Variants in BCO1 observed in about 807,000 individuals in gnomAD.
The protein encoded by BCO1 is beta,beta-carotene 15,15'-dioxygenase.
Under a neutral mutation model 56.3 loss-of-function variants are expected in BCO1, and 54 were observed. That is an observed-to-expected ratio of 0.96 (90% CI 0.77 to 1.20). The LOEUF is 1.20. Ranked by LOEUF, BCO1 falls within the 50% of genes most tolerant of loss-of-function variation. The pLI is 0.00. For synonymous variants in BCO1, 318 were observed against 266.1 expected (o/e 1.20, Z -1.90); for missense variants, 801 against 690.9 (o/e 1.16, Z -1.79).
rs138584476 is a variant in BCO1 at position 81,271,789 on chromosome 16, G to A, written c.1101+1373G>A. Among the ~76,000 whole-genome samples, 553 of 151,932 alleles carry A rather than the reference G, an allele frequency of 3.6e-3. 2 individuals carry two copies. The highest frequency in any genetic ancestry group is 6.8e-3 in the Middle Eastern group (2 of 294). ...TGTTTTGAGACAGTCTCGCTCTGCCGCCCAGGCTGGAGTGCAGTGGTGTAA... is the reference window on the plus strand; with the variant it reads ...TGTTTTGAGACAGTCTCGCTCTGCCACCCAGGCTGGAGTGCAGTGGTGTAA... On this transcript the variant is annotated intron_variant, in intron 7 of 10. Coordinates refer to ENST00000258168, the MANE Select transcript of BCO1 (RefSeq NM_017429.3).
chr16:81,240,552 CA>C (rs1905064276), intron 1 of BCO1, among the ~76,000 whole-genome samples: 2 of 151,828 alleles, frequency 1.3e-5, no homozygotes, highest in Admixed American at 6.6e-5. Context: ...TAAAAATACA[CA>C]AATTAGCCAG....
rs1415703194 is a variant in BCO1, at chr16:81,274,913, A to AG, written c.1101+4497_1101+4498insG. Among the ~76,000 whole-genome samples, 1,352 of 151,702 alleles carry AG rather than the reference A, an allele frequency of 8.9e-3. 27 individuals are homozygous for AG. Among genetic ancestry groups the AG allele is most frequent in the African/African-American group, 0.031 (1,268 of 41,416 alleles). ...TGAGACTCCATCTCAAAAAAAAAAA[A>AG]AAAGAAAGCTGTCATATGAACCATC... On this transcript the variant is annotated intron_variant, in intron 7 of 10. Coordinates refer to ENST00000258168, the MANE Select transcript of BCO1 (RefSeq NM_017429.3).
intron 6 of BCO1, among the ~76,000 whole-genome samples, chr16:81,268,612 T>C (rs913779279): frequency 3.9e-5 from 6 of 152,232 alleles, no homozygotes; most frequent in African/African-American, 1.4e-4. Flanking sequence ...CAGGTACACC[T>C]GAGTGCTCAA....
chr16:81,275,026 T>C (rs1350981839), intron 7 of BCO1, among the ~76,000 whole-genome samples: 1 of 152,216 alleles, frequency 6.6e-6, no homozygotes, highest in Non-Finnish European at 1.5e-5. Flanking sequence ...GTCCCTTAAA[T>C]ATGTCTTCTT....
At chr16:81,267,234 T>A (rs2151940062) in intron 5 of BCO1, among the ~76,000 whole-genome samples, 1 of 152,286 alleles carries the variant, frequency 6.6e-6, no homozygotes, top group East Asian at 1.9e-4. Flanking sequence ...CTGACCATAA[T>A]GATAGCCCAT....
At position 81,271,062 on chromosome 16, in the gene BCO1, C is replaced by T. The variant is rs117887860; in HGVS notation, c.1101+646C>T. On this transcript the variant is annotated intron_variant, in intron 7 of 10. Coordinates refer to ENST00000258168, the MANE Select transcript of BCO1 (RefSeq NM_017429.3). ...CCTGGCTGTCTTACATAATTTTTAA[C>T]AGCTTTATTGAGATGTAATTGACAC... Among the ~76,000 whole-genome samples, 345 of 151,144 alleles carry T rather than the reference C, an allele frequency of 2.3e-3. 1 individual carries two copies. Among genetic ancestry groups the T allele is most frequent in the Admixed American group, 0.011 (163 of 15,112 alleles).
chr16:81,254,788 G>A (rs956060426), intron 2 of BCO1, among the ~76,000 whole-genome samples: 1 of 151,976 alleles, frequency 6.6e-6, no homozygotes, highest in Non-Finnish European at 1.5e-5. Context: ...GCGTTCAGGG[G>A]GCTGCTCTGG....
At chr16:81,246,010 G>A (rs537273079) in intron 2 of BCO1, among the ~76,000 whole-genome samples, 1 of 152,090 alleles carries the variant, frequency 6.6e-6, no homozygotes, top group African/African-American at 2.4e-5. Context: ...TTACAGGCAT[G>A]TGACACCATG....
chr16:81,282,741 A>G (rs1907956005), intron 8 of BCO1, among the ~76,000 whole-genome samples: 2 of 152,020 alleles, frequency 1.3e-5, no homozygotes, highest in Non-Finnish European at 2.9e-5. Flanking sequence ...AAAAAGTGTA[A>G]CAATAAAGAA....
At chr16:81,243,421 C>T (rs753924187) in intron 1 of BCO1, among the ~76,000 whole-genome samples, 19 of 152,032 alleles carry the variant, frequency 1.2e-4, no homozygotes, top group Non-Finnish European at 1.9e-4. Context: ...ACGGTCCAGT[C>T]TTACTAAACA....
At chr16:81,284,219 T>C (rs905736311) in intron 8 of BCO1, among the ~76,000 whole-genome samples, 1 of 136,612 alleles carries the variant, frequency 7.3e-6, no homozygotes, top group Non-Finnish European at 1.6e-5. Context: ...ACAAACTATA[T>C]ATATATATAT....
chr16:81,247,532 A>G lies in BCO1; in HGVS notation c.193+1929A>G, dbSNP rs187372188. 2.9e-3 allele frequency among the ~76,000 whole-genome samples: 443 copies of G among 151,544 alleles called. 3 individuals carry two copies. The highest frequency in any genetic ancestry group is 0.017 in the Middle Eastern group (5 of 294). ...TATTTTATTTTTTATTTTTATTTTTATTTATGTTTTTGAGACAGAGTTTCG... is the reference window on the plus strand; with the variant it reads ...TATTTTATTTTTTATTTTTATTTTTGTTTATGTTTTTGAGACAGAGTTTCG... On this transcript the variant is annotated intron_variant, in intron 2 of 10. Transcript: ENST00000258168.
intron 2 of BCO1, among the ~76,000 whole-genome samples, chr16:81,255,503 A>ATT (rs568362257): frequency 1.3e-5 from 2 of 149,100 alleles, no homozygotes; most frequent in African/African-American, 2.5e-5. Context: ...ATTTTTTTTT[A>ATT]TTTTTTATTT....
rs1277432334 is a variant in BCO1, at chr16:81,264,647, A to T, written c.479A>T (p.Tyr160Phe). Residue 160 changes from tyrosine to phenylalanine, a missense_variant, in exon 5 of 11, where the codon TAT (tyrosine) becomes TTT (phenylalanine). Physicochemically the swap from Tyr to Phe is conservative, Grantham distance 22. Transcript: ENST00000258168. Reference sequence around the variant, plus strand: ...AGGTGTCATATCTTGCAGGTTGATTATCGTAAATACGTGGCGGTAAATCTG... The same window carrying T: ...AGGTGTCATATCTTGCAGGTTGATTTTCGTAAATACGTGGCGGTAAATCTG... ...QTLETLEKVD[Y>F]RKYVAVNLAT... The T allele has an allele frequency of 6.2e-7, 1 of 1,614,158 alleles. No homozygotes were observed. The highest frequency in any genetic ancestry group is 8.5e-7 in the Non-Finnish European group (1 of 1,179,968).
chr16:81,270,908 A>G (rs1907168587), intron 7 of BCO1, among the ~76,000 whole-genome samples: 1 of 150,738 alleles, frequency 6.6e-6, no homozygotes, highest in Admixed American at 6.6e-5. Context: ...CCATGCCCAG[A>G]GAATTTTTTG....
At chr16:81,241,374 C>A (rs1356859349) in intron 1 of BCO1, among the ~76,000 whole-genome samples, 1 of 152,012 alleles carries the variant, frequency 6.6e-6, no homozygotes, top group Non-Finnish European at 1.5e-5. Context: ...TATTTTGTAC[C>A]CTTTACACCT....
intron 9 of BCO1, 54 bp downstream of exon 9, chr16:81,285,688 C>A: frequency 7.6e-7 from 1 of 1,310,208 alleles, no homozygotes; most frequent in Non-Finnish European, 1.1e-6. Context: ...TGTCTATATG[C>A]AAAGCTGAAT....
At chr16:81,277,521 C>T (rs1047740944) in intron 7 of BCO1, among the ~76,000 whole-genome samples, 3 of 152,030 alleles carry the variant, frequency 2.0e-5, no homozygotes, top group African/African-American at 4.8e-5. Context: ...AGGTGGAAAC[C>T]GCCTCACTTA....
intron 3 of BCO1, among the ~76,000 whole-genome samples, chr16:81,260,479 A>G (rs979194022): frequency 1.3e-5 from 2 of 152,010 alleles, no homozygotes; most frequent in Non-Finnish European, 2.9e-5. Context: ...TTTGCTGTAT[A>G]TATTTTATTT....
Sources: allele counts gnomAD v4.1 joint callset (sites outside exome capture counted in the v4.1 genomes callset), GRCh38; gene constraint gnomAD v4.1.1; transcripts MANE v1.5; gene names NCBI Gene and HGNC (gene_info 2026-07-23, HGNC 2026-07-21).